Variants in RASGEF1C observed in about 807,000 individuals in gnomAD.
RASGEF1C encodes the protein ras-GEF domain-containing family member 1C.
Under a neutral mutation model 58.1 loss-of-function variants are expected in RASGEF1C, and 27 were observed. That is an observed-to-expected ratio of 0.46 (90% CI 0.34 to 0.64). RASGEF1C has a LOEUF of 0.64. RASGEF1C is among the 30% of genes least tolerant of loss of function. RASGEF1C has a pLI of 0.01. For synonymous variants in RASGEF1C, 243 were observed against 246.3 expected (o/e 0.99, Z 0.13); for missense variants, 502 against 605.1 (o/e 0.83, Z 1.79).
intron 1 of RASGEF1C, among the ~76,000 whole-genome samples, chr5:180,207,677 G>A (rs1314372874): frequency 6.6e-6 from 1 of 151,618 alleles, no homozygotes; most frequent in African/African-American, 2.4e-5. Context: ...CCGCCGCCAC[G>A]GGCAGCCTTT....
chr5:180,118,963 G>T, intron 8 of RASGEF1C, 97 bp from the exon 9 acceptor site: 4 of 1,134,822 alleles, frequency 3.5e-6, no homozygotes, highest in Non-Finnish European at 5.3e-6. Flanking sequence ...CAGGGCTGAG[G>T]TCTGCAGGGC....
At position 180,136,360 on chromosome 5, in the gene RASGEF1C, C is replaced by A. The variant is rs768858428; in HGVS notation, c.438+18G>T. 1 of 1,549,556 alleles carries A rather than the reference C, an allele frequency of 6.5e-7. No homozygotes were observed. The highest frequency in any genetic ancestry group is 1.2e-5 in the South Asian group (1 of 83,766). On this transcript the variant is annotated intron_variant, in intron 4 of 13. Coordinates refer to ENST00000361132, the MANE Select transcript of RASGEF1C (RefSeq NM_175062.4). ...CGGGAGGGACCCAGGGTGACGCGAC[C>A]CCCGCCCAGCTGCCCACCTCGTCAC...
chr5:180,174,222 TAAG>T (rs1414525197), intron 1 of RASGEF1C, among the ~76,000 whole-genome samples: 1 of 152,158 alleles, frequency 6.6e-6, no homozygotes, highest in African/African-American at 2.4e-5. Context: ...ATTCTTGCTA[TAAG>T]AAGAGGCTCT....
chr5:180,138,140 G>A, intron 1 of RASGEF1C, 82 bp from the exon 2 acceptor site: 1 of 817,370 alleles, frequency 1.2e-6, no homozygotes, highest in Non-Finnish European at 1.8e-6. Context: ...CTGGTCCCGG[G>A]GCTCCTGGCT....
chr5:180,181,641 G>C (rs1233270435), intron 1 of RASGEF1C, among the ~76,000 whole-genome samples: 6 of 152,196 alleles, frequency 3.9e-5, no homozygotes, highest in African/African-American at 1.2e-4. Flanking sequence ...CAGAAGCTGG[G>C]AACAGGCAGG....
At chr5:180,127,719 A>T in intron 5 of RASGEF1C, 36 bp from the exon 6 acceptor site, 1 of 1,592,108 alleles carries the variant, frequency 6.3e-7, no homozygotes, top group Non-Finnish European at 8.6e-7. Context: ...AAAAGAGGGA[A>T]GGTATGGGGA....
At chr5:180,107,365 T>C (rs1448137487) in intron 12 of RASGEF1C, among the ~76,000 whole-genome samples, 1 of 152,158 alleles carries the variant, frequency 6.6e-6, no homozygotes, top group Non-Finnish European at 1.5e-5. Context: ...TGTCTTCCTG[T>C]GGTTTACCTG....
chr5:180,187,650 A>G (rs1404717384), intron 1 of RASGEF1C, among the ~76,000 whole-genome samples: 4 of 152,228 alleles, frequency 2.6e-5, no homozygotes, highest in Non-Finnish European at 5.9e-5. Flanking sequence ...AACTTAAAGA[A>G]AATACAAATA....
chr5:180,205,899 AT>A (rs1323026183), intron 1 of RASGEF1C, among the ~76,000 whole-genome samples: 1 of 151,794 alleles, frequency 6.6e-6, no homozygotes, highest in Non-Finnish European at 1.5e-5. Context: ...TTCCCGGGTA[AT>A]TTTTTATATA....
At chr5:180,208,160 C>A (rs1756523740) in intron 1 of RASGEF1C, among the ~76,000 whole-genome samples, 1 of 152,152 alleles carries the variant, frequency 6.6e-6, no homozygotes, top group Admixed American at 6.5e-5. Context: ...AGCGTTGCCA[C>A]TCCATGGTCC....
chr5:180,114,512 G>A lies in RASGEF1C; in HGVS notation c.1113C>T (p.Ile371=), dbSNP rs1489063317. ...CCTCATTCAGGAAGTAGATGTCTTT[G>A]ATGAGCAGGCTGAAGAAAGGAATGA... ...KIVIPFFSLL[I]KDIYFLNEGC... The change falls in exon 11 of 14, where the codon ATC becomes ATT. Residue 371 remains isoleucine, a synonymous_variant. Coordinates refer to ENST00000361132, the MANE Select transcript of RASGEF1C (RefSeq NM_175062.4). 1 of 1,612,450 alleles carries A rather than the reference G, an allele frequency of 6.2e-7. No homozygotes were observed. Among genetic ancestry groups the A allele is most frequent in the Non-Finnish European group, 8.5e-7 (1 of 1,178,934 alleles).
At chr5:180,190,798 C>A (rs920355105) in intron 1 of RASGEF1C, among the ~76,000 whole-genome samples, 38 of 151,654 alleles carry the variant, frequency 2.5e-4, no homozygotes, top group Non-Finnish European at 4.9e-4. Context: ...CCTTAAACAC[C>A]AAAACATGAT....
In RASGEF1C at chr5:180,115,166, T is replaced by C. The variant is rs537238568; in HGVS notation, c.1084-625A>G. 22 of 321,288 alleles carry C rather than the reference T, an allele frequency of 6.8e-5. No individual in the cohort carries two copies. In the East Asian group the frequency reaches 7.3e-4, roughly 11 times the overall value. The allele number at this position is 321,288 out of a possible 1,614,324, so 19.9% of individuals were successfully genotyped here. On this transcript the variant is annotated intron_variant, in intron 10 of 13. Coordinates refer to ENST00000361132, the MANE Select transcript of RASGEF1C (RefSeq NM_175062.4). ...AGTAGCTGGGATTACAGGCACCTGC[T>C]GCCACGCCCGGCTAGTTTTTGTATT...
chr5:180,170,246 G>A (rs765104382), intron 1 of RASGEF1C, among the ~76,000 whole-genome samples: 11 of 152,226 alleles, frequency 7.2e-5, no homozygotes, highest in Admixed American at 2.0e-4. Flanking sequence ...GGGGCCGAGA[G>A]CTCAGGAGGC....
chr5:180,168,105 T>C lies in RASGEF1C; in HGVS notation c.-6-30047A>G, dbSNP rs2113307148. Reference sequence around the variant, plus strand: ...ATAAGCCCAGGAATTAATAAACAACTCTCAAAAACAAAACAAAACAAAAAC... The same window carrying C: ...ATAAGCCCAGGAATTAATAAACAACCCTCAAAAACAAAACAAAACAAAAAC... On this transcript the variant is annotated intron_variant, in intron 1 of 13. Transcript: ENST00000361132. The surrounding 1 kb of genome is among the most constrained non-coding windows in gnomAD (Gnocchi z 6.0). Among the ~76,000 whole-genome samples, 2 of 151,904 alleles carry C rather than the reference T, an allele frequency of 1.3e-5. No homozygotes were observed. The highest frequency in any genetic ancestry group is 4.2e-4 in the South Asian group (2 of 4,810).
intron 8 of RASGEF1C, 152 bp downstream of exon 8, chr5:180,119,194 T>A (rs1305355967): frequency 1.4e-6 from 1 of 694,034 alleles, no homozygotes; most frequent in South Asian, 1.7e-5. Flanking sequence ...GGTGGGGACA[T>A]GGGGCTGCCC....
At chr5:180,113,573 G>A (rs1489055022) in intron 11 of RASGEF1C, among the ~76,000 whole-genome samples, 2 of 87,356 alleles carry the variant, frequency 2.3e-5, no homozygotes, top group Non-Finnish European at 2.3e-5. Context: ...GGAGGGACCG[G>A]GGATGGACGG....
intron 1 of RASGEF1C, among the ~76,000 whole-genome samples, chr5:180,176,491 G>T (rs1037361625): frequency 6.6e-6 from 1 of 152,044 alleles, no homozygotes; most frequent in Admixed American, 6.5e-5. Flanking sequence ...GAGGGGAAAG[G>T]CTGCCTGTGC....
Position 180,177,327 on chromosome 5 carries a change from A to C in RASGEF1C, c.-7+31701T>G, listed in dbSNP as rs1767247820. Among the ~76,000 whole-genome samples the C allele has an allele frequency of 6.6e-6, 1 of 152,136 alleles. No homozygotes were observed. Among genetic ancestry groups the C allele is most frequent in the African/African-American group, 2.4e-5 (1 of 41,440 alleles). ...GGCTGGCCTGCCCGGCTCACCCAGC[A>C]GCTTCCCCAAAGACACAGGCTGTTC... On this transcript the variant is annotated intron_variant, in intron 1 of 13. Coordinates refer to ENST00000361132, the MANE Select transcript of RASGEF1C (RefSeq NM_175062.4). This position sits in a 1 kb window ranked among gnomAD's most constrained non-coding sequence, Gnocchi z 5.0.
Sources: allele counts gnomAD v4.1 joint callset (sites outside exome capture counted in the v4.1 genomes callset), GRCh38; gene constraint gnomAD v4.1.1; non-coding constraint Gnocchi (gnomAD v3.1); transcripts MANE v1.5; gene names NCBI Gene and HGNC (gene_info 2026-07-23, HGNC 2026-07-21).